EVPL: variants seen among roughly 807,000 people sequenced by gnomAD.
The protein encoded by EVPL is envoplakin, also known as 210 kDa cornified envelope precursor protein.
EVPL carries 94 observed loss-of-function variants against 129.7 expected under a neutral mutation model. That is an observed-to-expected ratio of 0.72 (90% CI 0.61 to 0.86). The LOEUF (loss-of-function observed/expected upper bound fraction) is 0.86, where lower values mean the gene tolerates loss of function less well. Among genes scored for constraint, EVPL ranks in the 40% least tolerant of loss-of-function variants. EVPL has a pLI of 0.00. For synonymous variants in EVPL, 1,172 were observed against 1,191.1 expected (o/e 0.98, Z 0.33); for missense variants, 2,625 against 2,721.1 (o/e 0.96, Z 0.79).
At chr17:76,015,173 C>T (rs1010608762) in intron 16 of EVPL, 54 bp downstream of exon 16, 11 of 1,558,300 alleles carry the variant, frequency 7.1e-6, no homozygotes, top group Non-Finnish European at 9.6e-6. Flanking sequence ...TCCACCCACC[C>T]GCCCCTGAAT....
chr17:76,011,951 G>T, intron 19 of EVPL, 55 bp downstream of exon 19: 1 of 1,601,646 alleles, frequency 6.2e-7, no homozygotes, highest in Non-Finnish European at 8.5e-7. Flanking sequence ...GATAGGGCTG[G>T]AAGAGGGACA....
Position 76,012,056 on chromosome 17 carries a change from C to T in EVPL, c.2407G>A (p.Asp803Asn), listed in dbSNP as rs761071739. 6.2e-7 allele frequency: 1 copy of T among 1,612,056 alleles called. No homozygotes were observed. Among genetic ancestry groups the T allele is most frequent in the Non-Finnish European group, 8.5e-7 (1 of 1,179,644 alleles). Residue 803 changes from aspartate to asparagine, a missense_variant, in exon 19 of 22, where the codon GAC becomes AAC. Physicochemically the swap from Asp to Asn is conservative, Grantham distance 23 (BLOSUM62 1). Coordinates refer to ENST00000301607, the MANE Select transcript of EVPL (RefSeq NM_001988.4). ...GAGAGGTGGGATGCTGTGGCCCTGT[C>T]CCGCTCTCGGCTCTGGATCTCCTGC... ...LTQEIQSRER[D>N]RATASHLSQA...
At chr17:76,023,465 C>T in intron 3 of EVPL, 35 bp downstream of exon 3, 1 of 1,611,964 alleles carries the variant, frequency 6.2e-7, no homozygotes. Flanking sequence ...TGGGTCTTCC[C>T]CAGGGACCCC....
At position 76,008,445 on chromosome 17, in the gene EVPL, T is replaced by G. The variant is rs2144399859; in HGVS notation, c.4760A>C (p.Gln1587Pro). ...CAGCCGCCCACACTCCTGGTCGGCCTGGTCCCGGGCCCTCTGCAGCTCGGA... is the reference window on the plus strand; with the variant it reads ...CAGCCGCCCACACTCCTGGTCGGCCGGGTCCCGGGCCCTCTGCAGCTCGGA... Reference protein sequence around the residue: ...EESELQRARDQADQECGRLQQ... With the variant: ...EESELQRARDPADQECGRLQQ... Residue 1587 changes from glutamine to proline, a missense_variant, in exon 22 of 22, where the codon CAG (glutamine) becomes CCG (proline). By Grantham distance (76) the Gln-to-Pro change is moderately conservative. Transcript: ENST00000301607. This position sits in a 1 kb window ranked among gnomAD's most constrained non-coding sequence, Gnocchi z 7.4. 6.3e-7 allele frequency: 1 copy of G among 1,592,464 alleles called. No individual in the cohort carries two copies. The highest frequency in any genetic ancestry group is 1.1e-5 in the South Asian group (1 of 89,884).
chr17:76,006,970 T>G lies in EVPL; in HGVS notation c.*133A>C. On this transcript the variant is annotated 3_prime_UTR_variant, in exon 22 of 22. Transcript: ENST00000301607. ...TTAGGGGAGGGAGCCCATCACCATG[T>G]TAGTAAAATAATAAAACAGTGGTTG... 1 of 1,043,270 alleles carries G rather than the reference T, an allele frequency of 9.6e-7. No individual in the cohort carries two copies. The highest frequency in any genetic ancestry group is 1.2e-6 in the Non-Finnish European group (1 of 809,560). 64.6% of individuals were successfully genotyped at this position (1,043,270 alleles called of 1,614,324 possible).
At position 76,019,514 on chromosome 17, in the gene EVPL, T is replaced by C. The variant is rs2244370; in HGVS notation, c.1137+14A>G. On this transcript the variant is annotated intron_variant, in intron 10 of 21. Coordinates refer to ENST00000301607, the MANE Select transcript of EVPL (RefSeq NM_001988.4). ...CAGAAGTGGGGTGCAGACGGCCTGG[T>C]GGGGTTGTCTCACCTCCAGCTGTTG... is the stretch of plus-strand genomic sequence containing the variant. The C allele has an allele frequency of 0.65, 1,006,301 of 1,542,254 alleles. 329,774 individuals carry two copies. The highest frequency in any genetic ancestry group is 0.71 in the South Asian group (57,493 of 80,480).
chr17:76,014,718 G>T, intron 17 of EVPL, 142 bp from the exon 18 acceptor site: 1 of 1,260,890 alleles, frequency 7.9e-7, no homozygotes, highest in Non-Finnish European at 1.1e-6. Context: ...CCCACTCCCT[G>T]ACCCTGGGAA....
rs201726399 is a variant in EVPL at position 76,008,003 on chromosome 17, C to T, written c.5202G>A (p.Glu1734=). 1 of 1,614,134 alleles carries T rather than the reference C, an allele frequency of 6.2e-7. No homozygotes were observed. The highest frequency in any genetic ancestry group is 2.2e-5 in the East Asian group (1 of 44,880). Residue 1734 remains glutamate (E), a synonymous_variant, in exon 22 of 22, where the codon GAG becomes GAA. Coordinates refer to ENST00000301607, the MANE Select transcript of EVPL (RefSeq NM_001988.4). The surrounding 1 kb of genome is among the most constrained non-coding windows in gnomAD (Gnocchi z 7.4). The stretch of plus-strand genomic sequence containing the variant: ...TCTTGCGGTCCAGGAGCACAGACTC[C>T]TCCCCACAGGGCCCCGAGGTGGTGA... ...EEVTTSGPCG[E]ESVLLDRKSG...
In EVPL at chr17:76,021,932, G is replaced by A. The variant is rs750569215; in HGVS notation, c.742C>T (p.Arg248Cys). The change falls in exon 7 of 22, where the codon CGC (arginine) becomes TGC (cysteine). Residue 248 changes from arginine (R) to cysteine (C), a missense_variant. By Grantham distance (180) the Arg-to-Cys change is radical (BLOSUM62 -3). Transcript: ENST00000301607. ...TCGCTCCAGTCCTGCTGCAGGATGC[G>A]GCGCTGCTGCTCAGCCAGGGCGCTC... ...QLSALAEQQR[R>C]ILQQDWSDLM... The A allele has an allele frequency of 6.4e-7, 1 of 1,558,104 alleles. No homozygotes were observed. The highest frequency in any genetic ancestry group is 2.4e-5 in the East Asian group (1 of 42,094).
intron 4 of EVPL, among the ~76,000 whole-genome samples, 184 bp downstream of exon 4, chr17:76,023,108 C>G (rs2066473918): frequency 6.6e-6 from 1 of 152,116 alleles, no homozygotes; most frequent in South Asian, 2.1e-4. Context: ...CCTCTGAGGT[C>G]TCTTCATGTA....
At chr17:76,014,334 G>A (rs2066400094) in intron 18 of EVPL, 92 bp downstream of exon 18, 1 of 1,475,538 alleles carries the variant, frequency 6.8e-7, no homozygotes, top group Non-Finnish European at 9.0e-7. Context: ...GGGCCTCCGT[G>A]GCCTGGGCTT....
chr17:76,015,286 G>T lies in EVPL; in HGVS notation c.1969C>A (p.Gln657Lys). The T allele has an allele frequency of 6.2e-7, 1 of 1,602,384 alleles. No individual in the cohort carries two copies. ...GGTTCAGCAGGGATGGGGGCCTCCT[G>T]CACCAGGGTGGCCTCGAAGCCTCGG... Reference protein sequence around the residue: ...VIRGFEATLVQEAPIPAEPGA... With the variant: ...VIRGFEATLVKEAPIPAEPGA... Residue 657 changes from glutamine to lysine, a missense_variant, in exon 16 of 22, where the codon CAG becomes AAG. By Grantham distance (53) the Gln-to-Lys change is moderately conservative (BLOSUM62 1). This residue lies in a region of EVPL where 1,024 missense variants were observed against 997.5 expected (regional missense o/e 1.03). Transcript: ENST00000301607.
chr17:76,015,394 C>T (rs1195560281), intron 15 of EVPL, 29 bp from the exon 16 acceptor site: 2 of 1,602,686 alleles, frequency 1.2e-6, no homozygotes, highest in East Asian at 2.2e-5. Flanking sequence ...GGCTCAGACA[C>T]TCCCTGGGCC....
rs2066379209 is a variant in EVPL at position 76,011,822 on chromosome 17, C to T, written c.2518G>A (p.Ala840Thr). 2 of 1,612,916 alleles carry T rather than the reference C, an allele frequency of 1.2e-6. No individual in the cohort carries two copies. The highest frequency in any genetic ancestry group is 3.4e-5 in the Admixed American group (2 of 59,596). Residue 840 changes from alanine to threonine, a missense_variant, in exon 20 of 22, where the codon GCC becomes ACC. Around this residue, in one of 4 missense-constraint regions of EVPL, gnomAD observed 1,024 missense variants for 997.5 expected, o/e 1.03. Coordinates refer to ENST00000301607, the MANE Select transcript of EVPL (RefSeq NM_001988.4). The part of the protein sequence containing the change: ...CSLEPTLAVS[A>T]PKRPRVAPLQ... ...GGAGCCACTCGGGGTCTCTTGGGGG[C>T]TGACACTGCCAGGGTGGGCTCCAAA... is the stretch of plus-strand genomic sequence containing the variant.
chr17:76,015,729 G>A, intron 14 of EVPL, 101 bp from the exon 15 acceptor site: 1 of 1,250,722 alleles, frequency 8.0e-7, no homozygotes, highest in Non-Finnish European at 1.1e-6. Context: ...GTAGAGTGTG[G>A]TGGGTACATG....
chr17:76,015,158 C>T, intron 16 of EVPL, 49 bp from the exon 17 acceptor site: 1 of 1,558,064 alleles, frequency 6.4e-7, no homozygotes, highest in African/African-American at 1.3e-5. Flanking sequence ...TGGGGAGACG[C>T]CGTGTCCACC....
In EVPL at chr17:76,015,005, C is replaced by G. The variant is rs746682273; in HGVS notation, c.2133G>C (p.Gln711His). Residue 711 changes from glutamine to histidine, a missense_variant, in exon 17 of 22, where the codon CAG (glutamine) becomes CAC (histidine). Transcript: ENST00000301607. ...GGCGAGGCAGGTCTTGGCAGAACTCCTGGAAGTTGTTCTGCAGGGCAGCGC... is the reference window on the plus strand; with the variant it reads ...GGCGAGGCAGGTCTTGGCAGAACTCGTGGAAGTTGTTCTGCAGGGCAGCGC... ...HACAALQNNFQEFCQDLPRQQ... is the reference protein window; with the variant it reads ...HACAALQNNFHEFCQDLPRQQ... The G allele has an allele frequency of 2.6e-5, 41 of 1,597,040 alleles. 1 individual carries two copies. In the South Asian group the frequency reaches 4.4e-4, roughly 17 times the overall value.
Position 76,018,623 on chromosome 17 carries a change from G to T in EVPL, c.1285-23C>A, listed in dbSNP as rs2066435583. 1.9e-6 allele frequency: 3 copies of T among 1,580,272 alleles called. No individual in the cohort carries two copies. In the South Asian group the frequency reaches 3.4e-5, roughly 18 times the overall value. ...CACCTGGGGGCACAGAAAGGGAGCAGCTCCTGAGGGCTCAGGGGCAGGGGG... is the reference window on the plus strand; with the variant it reads ...CACCTGGGGGCACAGAAAGGGAGCATCTCCTGAGGGCTCAGGGGCAGGGGG... On this transcript the variant is annotated intron_variant, in intron 11 of 21. Transcript: ENST00000301607.
rs772883666 is a variant in EVPL at position 76,009,373 on chromosome 17, T to C, written c.3832A>G (p.Asn1278Asp). The C allele has an allele frequency of 6.2e-7, 1 of 1,613,830 alleles. No individual in the cohort carries two copies. The highest frequency in any genetic ancestry group is 8.5e-7 in the Non-Finnish European group (1 of 1,180,008). Reference protein sequence around the residue: ...REIDRLKAQLNELVNSHGRSQ... With the variant: ...REIDRLKAQLDELVNSHGRSQ... ...CGCCCGTGGCTGTTGACGAGCTCGT[T>C]GAGCTGAGCCTTCAGGCGGTCGATC... is the stretch of plus-strand genomic sequence containing the variant. Residue 1278 changes from asparagine (N) to aspartate (D), a missense_variant, in exon 22 of 22, where the codon AAC (asparagine) becomes GAC (aspartate). Physicochemically the swap from Asn to Asp is conservative, Grantham distance 23. Transcript: ENST00000301607. The surrounding 1 kb of genome is among the most constrained non-coding windows in gnomAD (Gnocchi z 5.9).
Sources: gnomAD v4.1 joint callset for allele counts (sites outside exome capture counted in the v4.1 genomes callset) on GRCh38, gnomAD v4.1.1 for gene constraint, gnomAD v4.1.1 regional missense constraint, Gnocchi (gnomAD v3.1) non-coding constraint, MANE v1.5 for transcripts, NCBI Gene and HGNC (gene_info 2026-07-23, HGNC 2026-07-21) for gene names.